EYS: variants seen among roughly 807,000 people sequenced by gnomAD.
EYS encodes the protein protein eyes shut homolog.
In EYS, 250 loss-of-function variants were observed where a neutral mutation model predicts 282.1. The observed-to-expected ratio is 0.89, with a 90% CI of 0.80 to 0.98. The LOEUF is 0.98. EYS is among the 50% of genes least tolerant of loss of function. EYS has a pLI of 0.00. For missense variants in EYS, 4,016 were observed against 3,709.0 expected (o/e 1.08, Z -2.15); for synonymous variants, 1,355 against 1,282.9 (o/e 1.06, Z -1.20).
chr6:64,773,392 G>T (rs904968940), intron 22 of EYS, among the ~76,000 whole-genome samples: 1 of 151,754 alleles, frequency 6.6e-6, no homozygotes, highest in Admixed American at 6.6e-5. Context: ...TGAGCACTCA[G>T]GTTGGTTCCA....
intron 2 of EYS, among the ~76,000 whole-genome samples, chr6:65,582,039 T>C (rs950374549): frequency 6.6e-6 from 1 of 151,006 alleles, no homozygotes; most frequent in African/African-American, 2.4e-5. Context: ...AATATATATA[T>C]ATATAAATTA....
intron 22 of EYS, among the ~76,000 whole-genome samples, chr6:64,628,619 A>G (rs1009628534): frequency 1.3e-5 from 2 of 152,162 alleles, no homozygotes; most frequent in African/African-American, 2.4e-5. Context: ...CTCTGTGTCC[A>G]TTACACAAAA....
chr6:65,694,389 A>ATGTT (rs1380923719), intron 1 of EYS, among the ~76,000 whole-genome samples: 1 of 116,504 alleles, frequency 8.6e-6, no homozygotes, highest in Non-Finnish European at 2.1e-5. Context: ...TTGATTCTTC[A>ATGTT]TATTTTTTTT....
intron 22 of EYS, among the ~76,000 whole-genome samples, chr6:64,664,425 C>A (rs1220228543): frequency 6.6e-6 from 1 of 152,160 alleles, no homozygotes; most frequent in Non-Finnish European, 1.5e-5. Context: ...CCCAGCAAGG[C>A]TTAGGAATTC....
In EYS at chr6:65,062,474, T is replaced by C. The variant is rs968863665; in HGVS notation, c.2024-4747A>G. ...ACTGTTTTTCTGCTTTCACTCTTAC[T>C]CTAATGCAGTGCACAACACATCCAG... is the stretch of plus-strand genomic sequence containing the variant. On this transcript the variant is annotated intron_variant, in intron 12 of 42. Coordinates refer to ENST00000503581, the MANE Select transcript of EYS (RefSeq NM_001142800.2). Among the ~76,000 whole-genome samples the C allele has an allele frequency of 3.9e-5, 6 of 151,944 alleles. No homozygotes were observed. In the East Asian group the frequency reaches 1.2e-3, roughly 29 times the overall value.
intron 31 of EYS, among the ~76,000 whole-genome samples, chr6:64,141,844 A>G (rs973464411): frequency 3.3e-5 from 5 of 152,146 alleles, no homozygotes; most frequent in Non-Finnish European, 7.3e-5. Flanking sequence ...TCTAGTTTGC[A>G]TACTTGCCGC....
intron 37 of EYS, chr6:63,797,523 A>C (rs972262552): frequency 6.6e-6 from 1 of 152,134 alleles, no homozygotes; most frequent in African/African-American, 2.4e-5. Context: ...TTAACTCTTA[A>C]AGAGCATATA....
chr6:64,867,783 T>C (rs913910573), intron 19 of EYS, among the ~76,000 whole-genome samples: 2 of 151,698 alleles, frequency 1.3e-5, no homozygotes, highest in African/African-American at 4.8e-5. Flanking sequence ...TAGAAAGCCA[T>C]ACAAAATTAA....
chr6:64,702,416 T>A (rs1342327444), intron 22 of EYS, among the ~76,000 whole-genome samples: 1 of 152,048 alleles, frequency 6.6e-6, no homozygotes, highest in South Asian at 2.1e-4. Context: ...AAATAAAATT[T>A]AAAACTGTAT....
intron 35 of EYS, among the ~76,000 whole-genome samples, chr6:63,976,091 C>T (rs1235627387): frequency 6.6e-6 from 1 of 151,860 alleles, no homozygotes; most frequent in Non-Finnish European, 1.5e-5. Flanking sequence ...TATAAAAATA[C>T]AGTATAAAAG....
intron 12 of EYS, among the ~76,000 whole-genome samples, chr6:65,242,975 G>T (rs1363406318): frequency 6.6e-6 from 1 of 151,882 alleles, no homozygotes; most frequent in Non-Finnish European, 1.5e-5. Flanking sequence ...TTTCTGTATT[G>T]TTATTGAATT....
chr6:64,185,457 A>C (rs1349232571), intron 31 of EYS, among the ~76,000 whole-genome samples: 5 of 152,150 alleles, frequency 3.3e-5, no homozygotes, highest in African/African-American at 9.7e-5. Context: ...AGAACCTCAC[A>C]TCAAATTCTT....
chr6:64,154,440 CAAAAAAAAAA>C (rs397819570), intron 31 of EYS, among the ~76,000 whole-genome samples: 83 of 59,494 alleles, frequency 1.4e-3, no homozygotes, highest in African/African-American at 4.0e-3. Context: ...AACTCCGTCT[CAAAAAAAAAA>C]AAAAAAAAAA....
intron 30 of EYS, among the ~76,000 whole-genome samples, chr6:64,249,173 A>T (rs139324680): frequency 5.4e-4 from 82 of 152,170 alleles, no homozygotes; most frequent in African/African-American, 1.9e-3. Flanking sequence ...AGATTATTGG[A>T]CAAAGAAAAT....
intron 8 of EYS, among the ~76,000 whole-genome samples, chr6:65,378,164 A>G (rs1013801215): frequency 3.3e-5 from 5 of 152,230 alleles, no homozygotes; most frequent in African/African-American, 1.2e-4. Flanking sequence ...CAGAATGTAC[A>G]AAGAACTTAA....
At chr6:64,662,060 A>C in intron 22 of EYS, among the ~76,000 whole-genome samples, 1 of 152,068 alleles carries the variant, frequency 6.6e-6, no homozygotes, top group East Asian at 1.9e-4. Flanking sequence ...GCCATAAAAA[A>C]CGATGAGTTC....
At chr6:64,502,463 C>T (rs1341919467) in intron 26 of EYS, among the ~76,000 whole-genome samples, 1 of 152,080 alleles carries the variant, frequency 6.6e-6, no homozygotes, top group African/African-American at 2.4e-5. Context: ...CCTCGTGATC[C>T]GCCCGCCTCG....
chr6:63,798,985 G>GTA (rs1211498823), intron 37 of EYS, among the ~76,000 whole-genome samples: 6,272 of 86,894 alleles, frequency 0.072, 178 homozygotes, highest in East Asian at 0.13. Flanking sequence ...ATGTATATGT[G>GTA]TGTATATATA....
intron 12 of EYS, among the ~76,000 whole-genome samples, chr6:65,170,346 A>C (rs1765076751): frequency 6.6e-6 from 1 of 151,622 alleles, no homozygotes; most frequent in Non-Finnish European, 1.5e-5. Flanking sequence ...AAAGAGGTTG[A>C]TTTTAAAATG....
Sources: gnomAD v4.1 joint callset for allele counts (sites outside exome capture counted in the v4.1 genomes callset) on GRCh38, gnomAD v4.1.1 for gene constraint, MANE v1.5 for transcripts, NCBI Gene and HGNC (gene_info 2026-07-23, HGNC 2026-07-21) for gene names.